The following NGEF variants were observed in gnomAD, a reference collection of about 807,000 sequenced individuals.
The protein encoded by NGEF is ephexin-1.
NGEF carries 31 observed loss-of-function variants against 80.9 expected under a neutral mutation model. The ratio of observed to expected loss-of-function variants is 0.38; its 90% CI spans 0.29 to 0.52. The LOEUF (loss-of-function observed/expected upper bound fraction) is 0.52. Among genes scored for constraint, NGEF ranks in the 20% least tolerant of loss-of-function variants. The pLI is 0.84. For missense variants in NGEF, 709 were observed against 926.2 expected, an observed-to-expected ratio of 0.77 and a Z score of 3.04; for synonymous variants, 371 against 370.2, an observed-to-expected ratio of 1.00 and a Z score of -0.03.
intron 10 of NGEF, among the ~76,000 whole-genome samples, chr2:232,884,564 G>T (rs960964287): frequency 2.0e-5 from 3 of 152,242 alleles, no homozygotes; most frequent in Non-Finnish European, 4.4e-5. Context: ...AGCTCTGCCT[G>T]TGGGATGCAG....
chr2:232,927,562 C>G (rs1350469647), intron 3 of NGEF, among the ~76,000 whole-genome samples: 2 of 152,132 alleles, frequency 1.3e-5, no homozygotes, highest in Non-Finnish European at 2.9e-5. Flanking sequence ...CGACCCCCGG[C>G]CCCTTTCGGA....
chr2:232,928,844 C>T (rs72617189), intron 3 of NGEF, among the ~76,000 whole-genome samples: 6,363 of 152,290 alleles, frequency 0.042, 277 homozygotes, highest in East Asian at 0.24. Context: ...ACATCGACTC[C>T]TGGACTCTGC....
chr2:232,994,232 T>G lies in NGEF; in HGVS notation c.-75+18836A>C, dbSNP rs149871480. On this transcript the variant is annotated intron_variant, in intron 1 of 14. Coordinates refer to ENST00000264051, the MANE Select transcript of NGEF (RefSeq NM_019850.3). ...TAAAAATACAAAAAGTAGCTGGGCG[T>G]GGTAGTGGCTGCCTGTAATCTCAGC... Among the ~76,000 whole-genome samples the G allele has an allele frequency of 5.5e-3, 843 of 152,104 alleles. 5 individuals carry two copies. The highest frequency in any genetic ancestry group is 9.0e-3 in the Non-Finnish European group (610 of 67,984).
chr2:232,887,277 G>A (rs907387980), intron 9 of NGEF, among the ~76,000 whole-genome samples: 3 of 152,224 alleles, frequency 2.0e-5, no homozygotes, highest in Non-Finnish European at 2.9e-5. Flanking sequence ...GTGGCAGAGC[G>A]CATGGTAAGA....
At chr2:232,985,115 C>T (rs1281725566) in intron 1 of NGEF, among the ~76,000 whole-genome samples, 1 of 152,186 alleles carries the variant, frequency 6.6e-6, no homozygotes, top group East Asian at 1.9e-4. Flanking sequence ...TCCCCCATCA[C>T]CTGATACCTG....
At chr2:233,003,062 C>T (rs543340348) in intron 1 of NGEF, among the ~76,000 whole-genome samples, 2 of 152,200 alleles carry the variant, frequency 1.3e-5, no homozygotes, top group African/African-American at 2.4e-5. Context: ...AAGTGGGTCT[C>T]GGCCCCCTAA....
At chr2:232,896,261 G>A (rs1228466053) in intron 5 of NGEF, among the ~76,000 whole-genome samples, 1 of 152,190 alleles carries the variant, frequency 6.6e-6, no homozygotes, top group African/African-American at 2.4e-5. Flanking sequence ...AACCAATAAT[G>A]GGTGTCTTTA....
intron 3 of NGEF, among the ~76,000 whole-genome samples, chr2:232,927,498 A>AC (rs1403556189): frequency 6.6e-6 from 1 of 152,086 alleles, no homozygotes; most frequent in Non-Finnish European, 1.5e-5. Flanking sequence ...CGCCGCTCCG[A>AC]CAGCCCGACG....
intron 3 of NGEF, among the ~76,000 whole-genome samples, chr2:232,967,259 C>A (rs1015332162): frequency 2.0e-5 from 3 of 152,164 alleles, no homozygotes; most frequent in African/African-American, 7.2e-5. Flanking sequence ...CTTCCTGAGG[C>A]CTCCACAGAA....
chr2:233,008,494 A>G (rs1247661290), intron 1 of NGEF, among the ~76,000 whole-genome samples: 1 of 152,170 alleles, frequency 6.6e-6, no homozygotes, highest in Non-Finnish European at 1.5e-5. Context: ...ATAGAGCAAC[A>G]CTCCAAAAGT....
chr2:232,928,341 G>C (rs1288953613), intron 3 of NGEF, among the ~76,000 whole-genome samples: 3 of 150,662 alleles, frequency 2.0e-5, no homozygotes, highest in Non-Finnish European at 3.0e-5. Context: ...TTCCTCCCCC[G>C]CGCCGCCGTG....
intron 1 of NGEF, among the ~76,000 whole-genome samples, chr2:232,991,463 C>T (rs1385032494): frequency 1.3e-5 from 2 of 151,200 alleles, no homozygotes; most frequent in Non-Finnish European, 2.9e-5. Context: ...AGGAATAAAC[C>T]ATAAATTAAA....
In NGEF at chr2:232,882,461, G is replaced by A. The variant is rs139685054; in HGVS notation, c.1758-196C>T. 3.1e-3 allele frequency among the ~76,000 whole-genome samples: 467 copies of A among 152,388 alleles called. 3 individuals carry two copies. The highest frequency in any genetic ancestry group is 0.014 in the Middle Eastern group (4 of 294). The stretch of plus-strand genomic sequence containing the variant: ...GGGTCTGACACATACAGGAACCCAC[G>A]GAGGGGCATGGGGGAGCCCCTCTAT... On this transcript the variant is annotated intron_variant, in intron 12 of 14. Transcript: ENST00000264051.
intron 5 of NGEF, among the ~76,000 whole-genome samples, chr2:232,895,828 G>C (rs1341939473): frequency 2.0e-5 from 3 of 152,236 alleles, no homozygotes; most frequent in African/African-American, 7.2e-5. Flanking sequence ...TTTTGGAAGA[G>C]AGAAAGAAAT....
At chr2:232,995,625 A>T (rs1277774165) in intron 1 of NGEF, among the ~76,000 whole-genome samples, 1 of 33,348 alleles carries the variant, frequency 3.0e-5, no homozygotes, top group Non-Finnish European at 8.3e-5. Flanking sequence ...ATACGTATGT[A>T]TACTGTATAT....
At chr2:232,993,244 TC>T (rs1694711260) in intron 1 of NGEF, among the ~76,000 whole-genome samples, 2 of 138,962 alleles carry the variant, frequency 1.4e-5, no homozygotes, top group East Asian at 2.0e-4. Flanking sequence ...ATGTATATTT[TC>T]AGATCCTTTG....
chr2:232,998,121 G>A (rs1007625819), intron 1 of NGEF, among the ~76,000 whole-genome samples: 2 of 151,972 alleles, frequency 1.3e-5, no homozygotes, highest in Admixed American at 6.5e-5. Context: ...CCTGGGCAGC[G>A]ATGCTCTTCC....
chr2:232,953,313 A>AAG (rs967100080), intron 3 of NGEF, among the ~76,000 whole-genome samples: 1 of 150,158 alleles, frequency 6.7e-6, no homozygotes, highest in Non-Finnish European at 1.5e-5. Flanking sequence ...AAAAAAAAAA[A>AAG]AAAAAAAGAA....
rs1386042382 is a variant in NGEF, at chr2:232,927,333, G to T, written c.384-147C>A. The T allele has an allele frequency of 9.8e-6, 8 of 814,936 alleles. 1 individual carries two copies. The highest frequency in any genetic ancestry group is 7.8e-4 in the Middle Eastern group (2 of 2,554). 50.5% of individuals were successfully genotyped at this position (814,936 alleles called of 1,614,324 possible). A position where few individuals can be genotyped will look rare whatever the true frequency, so the allele number is the denominator to read the frequency against. On this transcript the variant is annotated intron_variant, in intron 3 of 14. Coordinates refer to ENST00000264051, the MANE Select transcript of NGEF (RefSeq NM_019850.3). ...AGGGGCAGCGGCCGCAGCCAGCGCCGCCCCTCCCGGCCGGGCGGGCCCCAA... is the reference window on the plus strand; with the variant it reads ...AGGGGCAGCGGCCGCAGCCAGCGCCTCCCCTCCCGGCCGGGCGGGCCCCAA...
Sources: gnomAD v4.1 joint callset for allele counts (sites outside exome capture counted in the v4.1 genomes callset) on GRCh38, gnomAD v4.1.1 for gene constraint, MANE v1.5 for transcripts, NCBI Gene and HGNC (gene_info 2026-07-23, HGNC 2026-07-21) for gene names.